EBF3: variants seen among roughly 807,000 people sequenced by gnomAD.
The protein encoded by EBF3 is transcription factor COE3.
EBF3 carries 18 observed loss-of-function variants against 77.1 expected under a neutral mutation model. The observed-to-expected ratio is 0.23, with a 90% confidence interval of 0.16 to 0.35. EBF3 has a LOEUF of 0.35. EBF3 is among the 10% of genes least tolerant of loss of function. The pLI is 1.00. For missense variants in EBF3, 558 were observed against 860.0 expected, an observed-to-expected ratio of 0.65 and a Z score of 4.39; for synonymous variants, 350 against 343.5, an observed-to-expected ratio of 1.02 and a Z score of -0.21.
rs1481963246 is a variant in EBF3, at chr10:129,879,518, C to T, written c.555-1669G>A. Among the ~76,000 whole-genome samples the T allele has an allele frequency of 6.6e-6, 1 of 152,120 alleles. No individual in the cohort carries two copies. Among genetic ancestry groups the T allele is most frequent in the East Asian group, 1.9e-4 (1 of 5,192 alleles). ...TATCCTGGATGACTTCTTACTGTGGCAGAAGAAAATCCAATTGATGGGGGA... is the reference window on the plus strand; with the variant it reads ...TATCCTGGATGACTTCTTACTGTGGTAGAAGAAAATCCAATTGATGGGGGA... On this transcript the variant is annotated intron_variant, in intron 6 of 16. Transcript: ENST00000440978. The surrounding 1 kb of genome is among the most constrained non-coding windows in gnomAD (Gnocchi z 4.7).
At position 129,840,975 on chromosome 10, in the gene EBF3, G is replaced by A; in HGVS notation, c.1430C>T (p.Thr477Ile). 6.2e-7 allele frequency: 1 copy of A among 1,613,126 alleles called. No homozygotes were observed. Among genetic ancestry groups the A allele is most frequent in the Non-Finnish European group, 8.5e-7 (1 of 1,179,788 alleles). The change falls in exon 14 of 17, where the codon ACT becomes ATT. Residue 477 changes from threonine to isoleucine, a missense_variant. Thr to Ile is a moderately conservative substitution (Grantham distance 89). This residue lies in a region of EBF3 where 284 missense variants were observed against 368.3 expected (regional missense o/e 0.77). Transcript: ENST00000440978. ...TGTGTTGTAATTGGACTGCTGGGGA[G>A]TACTGCTGGGGACGTAGCCTCGCGG... ...VSPRGYVPSS[T>I]PQQSNYNTVS... is the part of the protein sequence containing the mutation.
intron 11 of EBF3, among the ~76,000 whole-genome samples, chr10:129,846,435 G>A (rs1432182963): frequency 2.6e-5 from 4 of 151,710 alleles, no homozygotes; most frequent in African/African-American, 9.7e-5. Flanking sequence ...AGCACTCCTC[G>A]GCAAAGCCTT....
chr10:129,964,113 G>C lies in EBF3; in HGVS notation c.-345C>G. On this transcript the variant is annotated 5_prime_UTR_variant, in exon 1 of 17. Coordinates refer to ENST00000440978, the MANE Select transcript of EBF3 (RefSeq NM_001375380.1). The surrounding 1 kb of genome is among the most constrained non-coding windows in gnomAD (Gnocchi z 4.5). ...GCGTCCGCGGCTGCAGGACACTGCG[G>C]GATCGCCCGCTTCTGGCGCGGCCCG... 1.0e-6 allele frequency: 1 copy of C among 985,070 alleles called. No individual in the cohort carries two copies. The highest frequency in any genetic ancestry group is 1.2e-6 in the Non-Finnish European group (1 of 829,834). The allele number at this position is 985,070 out of a possible 1,614,324, so 61.0% of individuals were successfully genotyped here. A position where few individuals can be genotyped will look rare whatever the true frequency, so the allele number is the denominator to read the frequency against.
chr10:129,925,713 T>TAC (rs1206848443), intron 6 of EBF3, among the ~76,000 whole-genome samples: 1 of 152,006 alleles, frequency 6.6e-6, no homozygotes, highest in African/African-American at 2.4e-5. Flanking sequence ...AATTTTATGT[T>TAC]ATATATATTT....
Position 129,935,806 on chromosome 10 carries a change from C to A in EBF3, c.554+21452G>T, listed in dbSNP as rs949284563. On this transcript the variant is annotated intron_variant, in intron 6 of 16. Transcript: ENST00000440978. This position sits in a 1 kb window ranked among gnomAD's most constrained non-coding sequence, Gnocchi z 4.2. The stretch of plus-strand genomic sequence containing the variant: ...GCCACACCGGGGCCTCAGGCAAAGC[C>A]AAGGGCATAGAATGTGGGCTGGGGA... Among the ~76,000 whole-genome samples the A allele has an allele frequency of 6.6e-6, 1 of 152,202 alleles. No homozygotes were observed. The highest frequency in any genetic ancestry group is 2.4e-5 in the African/African-American group (1 of 41,458).
chr10:129,864,779 C>G lies in EBF3; in HGVS notation c.1039+2362G>C, dbSNP rs1322188073. On this transcript the variant is annotated intron_variant, in intron 10 of 16. Coordinates refer to ENST00000440978, the MANE Select transcript of EBF3 (RefSeq NM_001375380.1). The surrounding 1 kb of genome is among the most constrained non-coding windows in gnomAD (Gnocchi z 4.4). ...CCCCTGCCATGTGCCCGCCGAAGCTCAGGTGCTGCTCCATGGCTCACAAGC... is the reference window on the plus strand; with the variant it reads ...CCCCTGCCATGTGCCCGCCGAAGCTGAGGTGCTGCTCCATGGCTCACAAGC... 6.6e-6 allele frequency among the ~76,000 whole-genome samples: 1 copy of G among 152,248 alleles called. No homozygotes were observed. Among genetic ancestry groups the G allele is most frequent in the African/African-American group, 2.4e-5 (1 of 41,464 alleles).
Position 129,963,631 on chromosome 10 carries a change from G to C in EBF3, c.134+4C>G, listed in dbSNP as rs759021763. ...CAGGGCGCGCGGGGGCGGCCGGTAC[G>C]TACCTCTGGGCGGCCGTGTTGGCGT... On this transcript the variant is annotated splice_donor_region_variant and intron_variant, in intron 1 of 16. Transcript: ENST00000440978. The surrounding 1 kb of genome is among the most constrained non-coding windows in gnomAD (Gnocchi z 7.1). 2 of 1,444,236 alleles carry C rather than the reference G, an allele frequency of 1.4e-6. No homozygotes were observed. Among genetic ancestry groups the C allele is most frequent in the Non-Finnish European group, 1.8e-6 (2 of 1,083,756 alleles). 89.5% of individuals were successfully genotyped at this position (1,444,236 alleles called of 1,614,324 possible).
At chr10:129,948,980 T>C (rs1028237350) in intron 6 of EBF3, among the ~76,000 whole-genome samples, 15 of 152,292 alleles carry the variant, frequency 9.8e-5, no homozygotes, top group Admixed American at 5.2e-4. Flanking sequence ...CTGCCAGCCA[T>C]ATCCCCTGGT....
intron 6 of EBF3, among the ~76,000 whole-genome samples, chr10:129,914,288 T>A (rs1855723041): frequency 6.6e-6 from 1 of 152,108 alleles, no homozygotes; most frequent in Admixed American, 6.5e-5. Context: ...CATCTGTGAT[T>A]TTCCCTTGGC....
intron 6 of EBF3, among the ~76,000 whole-genome samples, chr10:129,923,405 G>A (rs774993947): frequency 2.6e-5 from 4 of 152,196 alleles, no homozygotes; most frequent in Non-Finnish European, 4.4e-5. Flanking sequence ...CAAAGCTACA[G>A]TAACCAAAAC....
chr10:129,898,846 C>T (rs1454743708), intron 6 of EBF3, among the ~76,000 whole-genome samples: 3 of 152,222 alleles, frequency 2.0e-5, no homozygotes, highest in African/African-American at 7.2e-5. Context: ...CGCCCAGGCC[C>T]CGCTGCGCCT....
At chr10:129,960,939 G>A (rs991442052) in intron 4 of EBF3, among the ~76,000 whole-genome samples, 2 of 152,082 alleles carry the variant, frequency 1.3e-5, no homozygotes, top group Non-Finnish European at 1.5e-5. Flanking sequence ...TTACAGAAGG[G>A]CACACCGCCT....
intron 6 of EBF3, among the ~76,000 whole-genome samples, chr10:129,937,734 C>T (rs928415055): frequency 1.8e-4 from 27 of 152,166 alleles, no homozygotes; most frequent in African/African-American, 6.0e-4. Context: ...TGGCCCACCC[C>T]CAGGCCAACC....
chr10:129,875,647 C>T (rs1317277354), intron 7 of EBF3, among the ~76,000 whole-genome samples: 2 of 152,272 alleles, frequency 1.3e-5, no homozygotes, highest in Non-Finnish European at 2.9e-5. Context: ...GCAACAGTGT[C>T]AAGCCACCCA....
intron 6 of EBF3, among the ~76,000 whole-genome samples, chr10:129,891,445 A>C (rs1006090539): frequency 6.6e-6 from 1 of 152,258 alleles, no homozygotes; most frequent in Admixed American, 6.5e-5. Context: ...AAGCACAGAC[A>C]GATATTTTTC....
chr10:129,963,777 C>T lies in EBF3; in HGVS notation c.-9G>A. ...TCCTGAATCCCAAACATGAAAACTG[C>T]TGGCGGCGGCCGCAGCTCCCGGCCG... On this transcript the variant is annotated 5_prime_UTR_variant, in exon 1 of 17. Coordinates refer to ENST00000440978, the MANE Select transcript of EBF3 (RefSeq NM_001375380.1). The surrounding 1 kb of genome is among the most constrained non-coding windows in gnomAD (Gnocchi z 7.1). 6.6e-7 allele frequency: 1 copy of T among 1,503,844 alleles called. No homozygotes were observed. The highest frequency in any genetic ancestry group is 9.0e-7 in the Non-Finnish European group (1 of 1,116,674). 93.2% of individuals were successfully genotyped at this position (1,503,844 alleles called of 1,614,324 possible). A position where few individuals can be genotyped will look rare whatever the true frequency, so the allele number is the denominator to read the frequency against.
At chr10:129,846,477 T>G in intron 11 of EBF3, among the ~76,000 whole-genome samples, 1 of 151,800 alleles carries the variant, frequency 6.6e-6, no homozygotes, top group East Asian at 2.0e-4. Flanking sequence ...CTGCGGAATC[T>G]CATCTCTCAT....
intron 6 of EBF3, among the ~76,000 whole-genome samples, chr10:129,954,117 G>C (rs376663373): frequency 1.3e-5 from 2 of 152,140 alleles, no homozygotes; most frequent in East Asian, 3.8e-4. Context: ...ATGTGTGTTT[G>C]TGTGTGTGCA....
At position 129,957,302 on chromosome 10, in the gene EBF3, A is replaced by G; in HGVS notation, c.510T>C (p.Cys170=). 1 of 1,610,266 alleles carries G rather than the reference A, an allele frequency of 6.2e-7. No homozygotes were observed. Among genetic ancestry groups the G allele is most frequent in the South Asian group, 1.1e-5 (1 of 90,538 alleles). The change falls in exon 6 of 17, where the codon TGT becomes TGC. Residue 170 remains cysteine, a synonymous_variant. Transcript: ENST00000440978. ...CTGAGGGCGTTTCGTTTCTATTGCC[A>G]CAACTTTTCTTGTCACAGCACCGGC... ...MCSRCCDKKS[C]GNRNETPSDP... is the part of the protein sequence containing the mutation.
Sources: allele counts gnomAD v4.1 joint callset (sites outside exome capture counted in the v4.1 genomes callset), GRCh38; gene constraint gnomAD v4.1.1; regional missense constraint gnomAD v4.1.1; non-coding constraint Gnocchi (gnomAD v3.1); transcripts MANE v1.5; gene names NCBI Gene and HGNC (gene_info 2026-07-23, HGNC 2026-07-21).